The following FRMD5 variants were observed in gnomAD, a reference collection of about 807,000 sequenced individuals.
FRMD5 encodes FERM domain-containing protein 5.
In FRMD5, 20 loss-of-function variants were observed where a neutral mutation model predicts 69.0. The ratio of observed to expected loss-of-function variants is 0.29; its 90% CI spans 0.20 to 0.42. The LOEUF (loss-of-function observed/expected upper bound fraction) is 0.42, where lower values mean the gene tolerates loss of function less well. Ranked by LOEUF, FRMD5 falls within the 10% of genes least tolerant of loss-of-function variation. FRMD5 has a pLI of 1.00. For synonymous variants in FRMD5, 271 were observed against 260.1 expected (o/e 1.04, Z -0.40); for missense variants, 595 against 708.6 (o/e 0.84, Z 1.82).
chr15:43,874,110 C>A lies in FRMD5; in HGVS notation c.1488G>T (p.Lys496Asn). 1 of 1,614,218 alleles carries A rather than the reference C, an allele frequency of 6.2e-7. No individual in the cohort carries two copies. The highest frequency in any genetic ancestry group is 1.1e-5 in the South Asian group (1 of 91,084). Residue 496 changes from lysine to asparagine, a missense_variant, in exon 14 of 14, where the codon AAG (lysine) becomes AAT (asparagine). Transcript: ENST00000417257. ...HSGPEEEQVN[K>N]FVLSVLRLLL... ...GCAAACGGAGGACACTTAGAACAAA[C>A]TTATTCACCTGTTCCTCCTCGGGCC...
At chr15:43,888,638 G>A (rs1286857716) in intron 9 of FRMD5, among the ~76,000 whole-genome samples, 171 bp downstream of exon 9, 1 of 152,224 alleles carries the variant, frequency 6.6e-6, no homozygotes, top group East Asian at 1.9e-4. Context: ...AGGAAGTCCT[G>A]TGCTCCAGGG....
chr15:44,080,126 T>TA (rs1243708165), intron 1 of FRMD5, among the ~76,000 whole-genome samples: 1 of 151,900 alleles, frequency 6.6e-6, no homozygotes, highest in African/African-American at 2.4e-5. Context: ...TTACCACAAC[T>TA]AAAAAAAGTG....
At chr15:44,086,106 T>C (rs1261269716) in intron 1 of FRMD5, among the ~76,000 whole-genome samples, 1 of 152,124 alleles carries the variant, frequency 6.6e-6, no homozygotes. Flanking sequence ...CAAGCAATAA[T>C]ATCCATATGT....
intron 7 of FRMD5, among the ~76,000 whole-genome samples, chr15:43,894,059 C>A (rs1360965582): frequency 2.0e-5 from 3 of 152,200 alleles, no homozygotes; most frequent in Non-Finnish European, 4.4e-5. Flanking sequence ...TTAAAAATAA[C>A]TGGAATGCAG....
intron 1 of FRMD5, among the ~76,000 whole-genome samples, chr15:43,952,677 G>A (rs1376053697): frequency 2.6e-5 from 4 of 152,236 alleles, no homozygotes; most frequent in Non-Finnish European, 4.4e-5. Context: ...CAGCTTCTGA[G>A]CTGTGTCCTC....
intron 1 of FRMD5, chr15:44,194,534 G>C (rs1408459502): frequency 3.6e-6 from 1 of 281,098 alleles, no homozygotes; most frequent in Non-Finnish European, 6.8e-6. Context: ...GATAAGAAAA[G>C]CCAGCCATAC....
chr15:44,053,628 T>C (rs952661748), intron 1 of FRMD5, among the ~76,000 whole-genome samples: 8 of 152,106 alleles, frequency 5.3e-5, no homozygotes, highest in Admixed American at 3.9e-4. Flanking sequence ...AGGCAAGACC[T>C]AGGTTTCTAG....
rs1450544323 is a variant in FRMD5 at position 44,118,751 on chromosome 15, T to C, written c.102+76202A>G. Among the ~76,000 whole-genome samples the C allele has an allele frequency of 2.0e-5, 3 of 152,196 alleles. No individual in the cohort carries two copies. In the East Asian group the frequency reaches 5.8e-4, roughly 29 times the overall value. On this transcript the variant is annotated intron_variant, in intron 1 of 13. Transcript: ENST00000417257. ...ATTCGAAAGGTATAATACACAGCTTTGTATGGAATCTGTTCTCTAAGATTT... is the reference window on the plus strand; with the variant it reads ...ATTCGAAAGGTATAATACACAGCTTCGTATGGAATCTGTTCTCTAAGATTT...
chr15:44,116,228 G>T (rs61690552), intron 1 of FRMD5, among the ~76,000 whole-genome samples: 9,064 of 145,958 alleles, frequency 0.062, 300 homozygotes, highest in East Asian at 0.11. Context: ...TATATATATA[G>T]AGAGAGAGAG....
At chr15:43,993,601 G>A (rs980618939) in intron 1 of FRMD5, among the ~76,000 whole-genome samples, 5 of 152,318 alleles carry the variant, frequency 3.3e-5, no homozygotes, top group African/African-American at 1.2e-4. Flanking sequence ...TCCATTCGAT[G>A]TAAAGTACAG....
At chr15:43,986,164 C>T (rs114510954) in intron 1 of FRMD5, among the ~76,000 whole-genome samples, 4 of 152,346 alleles carry the variant, frequency 2.6e-5, no homozygotes, top group African/African-American at 7.2e-5. Context: ...TGACAAATCA[C>T]GTCACTTCTT....
At chr15:44,140,636 T>C (rs1452651233) in intron 1 of FRMD5, among the ~76,000 whole-genome samples, 2 of 151,940 alleles carry the variant, frequency 1.3e-5, no homozygotes, top group Non-Finnish European at 2.9e-5. Flanking sequence ...CCCAGCACTT[T>C]AGGAGGCCGA....
intron 1 of FRMD5, among the ~76,000 whole-genome samples, chr15:44,054,227 T>C (rs1892778580): frequency 6.6e-6 from 1 of 152,230 alleles, no homozygotes; most frequent in Admixed American, 6.5e-5. Flanking sequence ...TTAATGTTAT[T>C]TCATTTTCCT....
At chr15:44,152,983 C>T (rs2077470410) in intron 1 of FRMD5, among the ~76,000 whole-genome samples, 1 of 152,164 alleles carries the variant, frequency 6.6e-6, no homozygotes, top group East Asian at 1.9e-4. Context: ...TCACTAATCA[C>T]TGAGGAAATG....
At chr15:44,020,331 T>C (rs1891159707) in intron 1 of FRMD5, among the ~76,000 whole-genome samples, 1 of 152,184 alleles carries the variant, frequency 6.6e-6, no homozygotes, top group Admixed American at 6.5e-5. Flanking sequence ...TGTAGCAGCA[T>C]AGGTCTGTTG....
intron 1 of FRMD5, among the ~76,000 whole-genome samples, chr15:44,034,297 G>A (rs1891815391): frequency 6.6e-6 from 1 of 152,174 alleles, no homozygotes; most frequent in Admixed American, 6.5e-5. Context: ...AATGATTACT[G>A]TTCATTCAAC....
chr15:43,999,497 T>A (rs545853406), intron 1 of FRMD5, among the ~76,000 whole-genome samples: 2 of 152,210 alleles, frequency 1.3e-5, no homozygotes, highest in African/African-American at 4.8e-5. Flanking sequence ...TAGTATGCAA[T>A]TCATTATTAT....
At chr15:43,958,867 C>T (rs1210068530) in intron 1 of FRMD5, among the ~76,000 whole-genome samples, 1 of 152,182 alleles carries the variant, frequency 6.6e-6, no homozygotes, top group Non-Finnish European at 1.5e-5. Flanking sequence ...GGCTATGTCA[C>T]AAAGGTGGTG....
chr15:44,147,413 C>T (rs554155857), intron 1 of FRMD5, among the ~76,000 whole-genome samples: 5 of 152,222 alleles, frequency 3.3e-5, no homozygotes, highest in African/African-American at 1.2e-4. Context: ...AGCGTGATGC[C>T]TCCAGCTTTG....
Sources: gnomAD v4.1 joint callset for allele counts (sites outside exome capture counted in the v4.1 genomes callset) on GRCh38, gnomAD v4.1.1 for gene constraint, MANE v1.5 for transcripts, NCBI Gene and HGNC (gene_info 2026-07-23, HGNC 2026-07-21) for gene names.